The following TENM2 variants were observed in gnomAD, a reference collection of about 807,000 sequenced individuals.
TENM2 encodes teneurin-2.
TENM2 carries 52 observed loss-of-function variants against 245.2 expected under a neutral mutation model. The ratio of observed to expected loss-of-function variants is 0.21; its 90% CI spans 0.17 to 0.27. The LOEUF is 0.27. Among genes scored for constraint, TENM2 ranks in the 10% least tolerant of loss-of-function variants. The pLI is 1.00. For missense variants in TENM2, 3,046 were observed against 3,666.8 expected, an observed-to-expected ratio of 0.83 and a Z score of 4.37; for synonymous variants, 1,363 against 1,438.9, an observed-to-expected ratio of 0.95 and a Z score of 1.19.
At chr5:168,134,136 C>G (rs2152383079) in intron 12 of TENM2, among the ~76,000 whole-genome samples, 1 of 151,906 alleles carries the variant, frequency 6.6e-6, no homozygotes, top group Non-Finnish European at 1.5e-5. Flanking sequence ...GCCTAGGCGA[C>G]AGAGTGAGAC....
intron 2 of TENM2, among the ~76,000 whole-genome samples, chr5:167,507,104 T>G (rs1359229776): frequency 6.6e-6 from 1 of 152,196 alleles, no homozygotes; most frequent in African/African-American, 2.4e-5. Context: ...AGAATGCAAC[T>G]ATCAACTTTT....
chr5:167,872,276 G>GA lies in TENM2; in HGVS notation c.503-3703dup, dbSNP rs56676533. ...CAACAAGCAAGACCATGTCAAAAAA[G>GA]AAAAAAAGAAAGAGAAAGATAGAAA... On this transcript the variant is annotated intron_variant, in intron 2 of 28. Coordinates refer to ENST00000518659, the Ensembl canonical transcript of TENM2. Among the ~76,000 whole-genome samples the GA allele has an allele frequency of 1.7e-3, 198 of 113,990 alleles. 1 individual carries two copies. Among genetic ancestry groups the GA allele is most frequent in the African/African-American group, 6.6e-3 (187 of 28,496 alleles). The allele number at this position is 113,990 out of a possible 152,430, so 74.8% of individuals were successfully genotyped here.
chr5:168,190,875 C>T (rs1290026792), intron 14 of TENM2: 6 of 185,112 alleles, frequency 3.2e-5, no homozygotes, highest in Non-Finnish European at 6.7e-5. Context: ...CTTTAAAATG[C>T]CTCTGATAGT....
chr5:168,221,811 G>A (rs181796742), intron 23 of TENM2, among the ~76,000 whole-genome samples: 1 of 152,272 alleles, frequency 6.6e-6, no homozygotes, highest in Non-Finnish European at 1.5e-5. Flanking sequence ...TCTTATACCA[G>A]AAAGCTCCTA....
At chr5:167,090,904 C>T in the TENM2 span, among the ~76,000 whole-genome samples, 3 of 152,140 alleles carry the variant, frequency 2.0e-5, no homozygotes, top group Non-Finnish European at 4.4e-5. Flanking sequence ...ATAATGAAAC[C>T]CCAGTCACCC....
At chr5:167,292,314 T>C (rs999885185) in intron 1 of TENM2, among the ~76,000 whole-genome samples, 1 of 152,218 alleles carries the variant, frequency 6.6e-6, no homozygotes, top group African/African-American at 2.4e-5. Flanking sequence ...TCAAAATTTG[T>C]TTCCGTTTTT....
rs570028939 is a variant in TENM2 at position 167,817,549 on chromosome 5, C to T, written c.503-58437C>T. On this transcript the variant is annotated intron_variant, in intron 2 of 28. Transcript: ENST00000518659. The stretch of plus-strand genomic sequence containing the variant: ...AAGATTTAGAAGTGGCCATCAAAAC[C>T]ATTAGATAGTTAGATGGCTTAACAA... Among the ~76,000 whole-genome samples, 5 of 152,150 alleles carry T rather than the reference C, an allele frequency of 3.3e-5. No individual in the cohort carries two copies. The South Asian group carries it at 1.0e-3, about 32-fold the overall frequency.
At chr5:167,935,588 G>A (rs1430835545) in intron 3 of TENM2, among the ~76,000 whole-genome samples, 1 of 152,158 alleles carries the variant, frequency 6.6e-6, no homozygotes, top group African/African-American at 2.4e-5. Flanking sequence ...AGAGTGGCGG[G>A]TGGGAAAATA....
the TENM2 span, among the ~76,000 whole-genome samples, chr5:167,131,744 T>G: frequency 2.6e-5 from 4 of 152,126 alleles, no homozygotes; most frequent in South Asian, 2.1e-4. Flanking sequence ...ACAAGCAGAA[T>G]TGGACTCCCA....
chr5:167,291,336 G>A (rs1754624049), intron 1 of TENM2, among the ~76,000 whole-genome samples: 2 of 152,140 alleles, frequency 1.3e-5, no homozygotes, highest in African/African-American at 4.8e-5. Context: ...TAGCTTACTT[G>A]AAAGGGTAAT....
chr5:168,063,955 C>CTCCATCCATCCA (rs3083411), intron 7 of TENM2, among the ~76,000 whole-genome samples: 29 of 151,448 alleles, frequency 1.9e-4, no homozygotes, highest in Admixed American at 6.6e-4. Flanking sequence ...TCAGTGAGTC[C>CTCCATCCATCCA]TCCATCCATC....
At chr5:167,426,546 CAA>C (rs59491444) in intron 2 of TENM2, among the ~76,000 whole-genome samples, 19 of 102,240 alleles carry the variant, frequency 1.9e-4, no homozygotes, top group East Asian at 4.7e-4. Flanking sequence ...CTTGCCTTTA[CAA>C]AAAAAAAAAA....
intron 5 of TENM2, among the ~76,000 whole-genome samples, chr5:168,011,580 G>A (rs1322033946): frequency 6.6e-6 from 1 of 152,066 alleles, no homozygotes; most frequent in African/African-American, 2.4e-5. Flanking sequence ...GAAAATAAGA[G>A]CTTATATTGC....
intron 2 of TENM2, among the ~76,000 whole-genome samples, chr5:167,797,153 A>G (rs182938630): frequency 2.0e-5 from 3 of 152,276 alleles, no homozygotes; most frequent in Admixed American, 2.0e-4. Flanking sequence ...GTGAGGACTT[A>G]GCAATTGTTG....
exon 4 of TENM2, chr5:167,952,746 G>T (rs772423143): frequency 6.3e-7 from 1 of 1,591,164 alleles, no homozygotes; most frequent in Non-Finnish European, 8.6e-7. Context: ...AGCGCCCAAT[G>T]ACCTGGCCAC....
At chr5:168,255,871 T>C (rs1469276558) in intron 27 of TENM2, among the ~76,000 whole-genome samples, 1 of 152,124 alleles carries the variant, frequency 6.6e-6, no homozygotes, top group Non-Finnish European at 1.5e-5. Context: ...AGTGGCATAC[T>C]CTCGGCTCAC....
At chr5:167,385,038 TACA>T (rs974176330) in intron 2 of TENM2, among the ~76,000 whole-genome samples, 3 of 152,192 alleles carry the variant, frequency 2.0e-5, no homozygotes, top group African/African-American at 7.2e-5. Context: ...AATACAGTAT[TACA>T]ACAATTAGAC....
chr5:167,869,714 T>C (rs1419757324), intron 2 of TENM2, among the ~76,000 whole-genome samples: 1 of 152,178 alleles, frequency 6.6e-6, no homozygotes, highest in Non-Finnish European at 1.5e-5. Context: ...GAAGGCTTGA[T>C]GAAGAATATC....
chr5:167,473,429 A>C (rs1345264668), intron 2 of TENM2, among the ~76,000 whole-genome samples: 1 of 152,204 alleles, frequency 6.6e-6, no homozygotes, highest in East Asian at 1.9e-4. Flanking sequence ...ACTTGAGCTA[A>C]ATAGCACATT....
Sources: gnomAD v4.1 joint callset for allele counts (sites outside exome capture counted in the v4.1 genomes callset) on GRCh38, gnomAD v4.1.1 for gene constraint, MANE v1.5 for transcripts, NCBI Gene and HGNC (gene_info 2026-07-23, HGNC 2026-07-21) for gene names.